The following EIF3H variants were observed in gnomAD, a reference collection of about 807,000 sequenced individuals.
The protein encoded by EIF3H is eukaryotic translation initiation factor 3 subunit H, also known as eIF-3-gamma.
Under a neutral mutation model 44.2 loss-of-function variants are expected in EIF3H, and 26 were observed. The ratio of observed to expected loss-of-function variants is 0.59; its 90% CI spans 0.43 to 0.82. EIF3H has a LOEUF of 0.82. Ranked by LOEUF, EIF3H falls within the 40% of genes least tolerant of loss-of-function variation. EIF3H has a pLI of 0.00. For missense variants in EIF3H, 359 were observed against 432.8 expected, an observed-to-expected ratio of 0.83 and a Z score of 1.51; for synonymous variants, 166 against 151.9, an observed-to-expected ratio of 1.09 and a Z score of -0.68.
intron 2 of EIF3H, among the ~76,000 whole-genome samples, chr8:116,670,030 T>C (rs1012088703): frequency 9.9e-5 from 15 of 152,144 alleles, no homozygotes; most frequent in African/African-American, 3.6e-4. Context: ...GTTAGGAACC[T>C]ATGGTTTATT....
chr8:116,661,605 A>C (rs987538152), intron 2 of EIF3H, among the ~76,000 whole-genome samples: 1 of 152,224 alleles, frequency 6.6e-6, no homozygotes, highest in Non-Finnish European at 1.5e-5. Flanking sequence ...ATAAATAAAG[A>C]ATTTTCTATT....
intron 2 of EIF3H, among the ~76,000 whole-genome samples, chr8:116,720,113 TA>T (rs1814720700): frequency 6.6e-6 from 1 of 152,222 alleles, no homozygotes; most frequent in African/African-American, 2.4e-5. Flanking sequence ...GATTAACAAC[TA>T]ATCATAGGCA....
chr8:116,692,959 C>A (rs1814204344), intron 2 of EIF3H, among the ~76,000 whole-genome samples: 1 of 152,094 alleles, frequency 6.6e-6, no homozygotes, highest in South Asian at 2.1e-4. Context: ...ACTTCCTGAT[C>A]TTTCCACTTG....
At chr8:116,752,013 A>G (rs1815352447) in intron 1 of EIF3H, among the ~76,000 whole-genome samples, 2 of 152,126 alleles carry the variant, frequency 1.3e-5, no homozygotes, top group Admixed American at 1.3e-4. Flanking sequence ...CAAAACCTAA[A>G]CCATGAGGCA....
chr8:116,723,337 T>C (rs1294571429), intron 2 of EIF3H, among the ~76,000 whole-genome samples: 2 of 152,086 alleles, frequency 1.3e-5, no homozygotes, highest in Non-Finnish European at 2.9e-5. Context: ...GAAACAGAGG[T>C]ATTCTAATAC....
At chr8:116,760,294 G>C (rs1274640265), upstream of EIF3H, among the ~76,000 whole-genome samples, 1 of 152,160 alleles carries the variant, frequency 6.6e-6, no homozygotes, top group Non-Finnish European at 1.5e-5. Context: ...ATAGAAAAAA[G>C]ATCTTGCTCA....
rs1554599414 is a variant in EIF3H, at chr8:116,681,683, A to AAAT, written c.290-22706_290-22704dup. On this transcript the variant is annotated intron_variant, in intron 2 of 7. Coordinates refer to ENST00000521861, the MANE Select transcript of EIF3H (RefSeq NM_003756.3). Reference sequence around the variant, plus strand: ...CTCCATCTCAAAAAAAAAAAAAAAAAAATCTAAAATTTTAAAGCATGTTTT... The same window carrying AAAT: ...CTCCATCTCAAAAAAAAAAAAAAAAAAATAATCTAAAATTTTAAAGCATGTTTT... Among the ~76,000 whole-genome samples the AAAT allele has an allele frequency of 3.4e-4, 52 of 152,154 alleles. 1 individual carries two copies. The South Asian group carries it at 0.011, about 32-fold the overall frequency.
At position 116,690,123 on chromosome 8, in the gene EIF3H, C is replaced by T. The variant is rs554353592; in HGVS notation, c.290-31143G>A. Among the ~76,000 whole-genome samples, 49 of 152,214 alleles carry T rather than the reference C, an allele frequency of 3.2e-4. No homozygotes were observed. In the South Asian group the frequency reaches 8.1e-3, roughly 25 times the overall value. On this transcript the variant is annotated intron_variant, in intron 2 of 7. Transcript: ENST00000521861. ...CAGGTCCTTCTCCATACTGGCTCTCCGCTCATTCTTTTCTGTTTCCTACTA... is the reference window on the plus strand; with the variant it reads ...CAGGTCCTTCTCCATACTGGCTCTCTGCTCATTCTTTTCTGTTTCCTACTA...
chr8:116,671,250 C>T (rs1031924417), intron 2 of EIF3H, among the ~76,000 whole-genome samples: 1 of 152,160 alleles, frequency 6.6e-6, no homozygotes, highest in African/African-American at 2.4e-5. Flanking sequence ...CAAAAATTGT[C>T]GTTCAATGTA....
intron 1 of EIF3H, among the ~76,000 whole-genome samples, chr8:116,748,152 CAAAAACAAAAAA>C (rs1431200509): frequency 1.5e-5 from 2 of 136,156 alleles, no homozygotes; most frequent in African/African-American, 3.0e-5. Context: ...AACTCTGTCT[CAAAAACAAAAAA>C]AAAAACAAAA....
intron 2 of EIF3H, chr8:116,696,954 A>G: frequency 5.6e-6 from 2 of 359,288 alleles, no homozygotes; most frequent in Non-Finnish European, 5.5e-6. Flanking sequence ...CATGTACACA[A>G]ACAAAAAAAG....
At position 116,752,277 on chromosome 8, in the gene EIF3H, A is replaced by G. The variant is rs1455535749; in HGVS notation, c.132+3389T>C. Among the ~76,000 whole-genome samples, 8 of 152,184 alleles carry G rather than the reference A, an allele frequency of 5.3e-5. No homozygotes were observed. The South Asian group carries it at 6.2e-4, about 12-fold the overall frequency. On this transcript the variant is annotated intron_variant, in intron 1 of 7. Coordinates refer to ENST00000521861, the MANE Select transcript of EIF3H (RefSeq NM_003756.3). Reference sequence around the variant, plus strand: ...TACTGGTGGATGCAGACTGGAATGCATGTCTCCTGATTACCAGGAGCACTG... The same window carrying G: ...TACTGGTGGATGCAGACTGGAATGCGTGTCTCCTGATTACCAGGAGCACTG...
At chr8:116,731,881 T>G (rs1814955910) in intron 1 of EIF3H, among the ~76,000 whole-genome samples, 1 of 152,182 alleles carries the variant, frequency 6.6e-6, no homozygotes, top group Non-Finnish European at 1.5e-5. Context: ...AAACCCAACT[T>G]AGCAAATTCT....
intron 2 of EIF3H, among the ~76,000 whole-genome samples, chr8:116,695,502 T>C (rs1005777657): frequency 6.6e-6 from 1 of 152,116 alleles, no homozygotes; most frequent in African/African-American, 2.4e-5. Flanking sequence ...AAGTAGGGTA[T>C]CAAAGTAGGA....
At chr8:116,704,864 C>G (rs1344391738) in intron 2 of EIF3H, among the ~76,000 whole-genome samples, 1 of 152,006 alleles carries the variant, frequency 6.6e-6, no homozygotes, top group Admixed American at 6.5e-5. Flanking sequence ...TAAATAATTT[C>G]ATAGATTGTA....
intron 1 of EIF3H, among the ~76,000 whole-genome samples, chr8:116,731,617 A>T (rs560271436): frequency 6.6e-6 from 1 of 152,314 alleles, no homozygotes; most frequent in Admixed American, 6.5e-5. Flanking sequence ...TATCACCCTA[A>T]TAAGAGGAAT....
intron 2 of EIF3H, among the ~76,000 whole-genome samples, chr8:116,693,370 T>C (rs1814212654): frequency 6.6e-6 from 1 of 152,196 alleles, no homozygotes; most frequent in South Asian, 2.1e-4. Context: ...CATTTTTTTT[T>C]CCAGAAATAA....
At chr8:116,718,803 C>CA (rs1170697983) in intron 2 of EIF3H, among the ~76,000 whole-genome samples, 9 of 151,758 alleles carry the variant, frequency 5.9e-5, no homozygotes, top group Non-Finnish European at 1.3e-4. Flanking sequence ...ATGGGTGAAC[C>CA]AAAATCTCAG....
At chr8:116,667,589 A>G (rs1813690966) in intron 2 of EIF3H, among the ~76,000 whole-genome samples, 2 of 152,250 alleles carry the variant, frequency 1.3e-5, no homozygotes, top group African/African-American at 4.8e-5. Flanking sequence ...TGTTTACAAA[A>G]CAGAAAGAGA....
Sources: gnomAD v4.1 joint callset for allele counts (sites outside exome capture counted in the v4.1 genomes callset) on GRCh38, gnomAD v4.1.1 for gene constraint, MANE v1.5 for transcripts, NCBI Gene and HGNC (gene_info 2026-07-23, HGNC 2026-07-21) for gene names.